LRRC1: variants seen among roughly 807,000 people sequenced by gnomAD.
LRRC1 encodes the protein leucine rich repeat containing 1.
A neutral mutation model predicts 69.9 loss-of-function variants in LRRC1; 28 were observed. The observed-to-expected ratio is 0.40, with a 90% CI of 0.30 to 0.55. The LOEUF (loss-of-function observed/expected upper bound fraction) is 0.55, where lower values mean the gene tolerates loss of function less well. LRRC1 is among the 20% of genes least tolerant of loss of function. The pLI, the probability that LRRC1 is intolerant of heterozygous loss-of-function variation, is 0.47. For synonymous variants in LRRC1, 236 were observed against 240.2 expected (o/e 0.98, Z 0.16); for missense variants, 498 against 609.0 (o/e 0.82, Z 1.92).
intron 10 of LRRC1, among the ~76,000 whole-genome samples, chr6:53,907,934 C>T (rs1428117492): frequency 1.3e-5 from 2 of 152,142 alleles, no homozygotes; most frequent in African/African-American, 2.4e-5. Flanking sequence ...AAATCTGTCT[C>T]TAATGGAAAG....
chr6:53,890,170 A>C (rs1369284276), intron 4 of LRRC1, among the ~76,000 whole-genome samples: 3 of 152,210 alleles, frequency 2.0e-5, no homozygotes, highest in African/African-American at 7.2e-5. Context: ...ACCGTTAAAG[A>C]AACGAATACC....
chr6:53,890,281 G>C (rs1767632501), intron 4 of LRRC1, among the ~76,000 whole-genome samples: 1 of 152,172 alleles, frequency 6.6e-6, no homozygotes, highest in Non-Finnish European at 1.5e-5. Context: ...TAATGAAATA[G>C]TCCAGTACCC....
Position 53,899,891 on chromosome 6 carries a change from G to T in LRRC1, c.787G>T (p.Gly263Ter). The T allele has an allele frequency of 6.2e-7, 1 of 1,613,592 alleles. No individual in the cohort carries two copies. Among genetic ancestry groups the T allele is most frequent in the Non-Finnish European group, 8.5e-7 (1 of 1,179,772 alleles). Residue 263 changes from glycine to a stop codon, truncating the protein, a stop_gained and splice_region_variant, in exon 8 of 14, where the codon GGA becomes TGA. Coordinates refer to ENST00000370888, the MANE Select transcript of LRRC1 (RefSeq NM_018214.5). LOFTEE classifies it high-confidence loss of function. Reference sequence around the variant, plus strand: ...ATTAGAAACGATTCCGGATGGCATTGGTAAGCATTGGAAATCACTAACTGC... The same window carrying T: ...ATTAGAAACGATTCCGGATGGCATTTGTAAGCATTGGAAATCACTAACTGC... ...NLLETIPDGI[G>*]KLKKLSILKV...
rs540699066 is a variant in LRRC1 at position 53,825,263 on chromosome 6, T to C, written c.160-16847T>C. The stretch of plus-strand genomic sequence containing the variant: ...TATTGACTATGTAATGATGGAGGTG[T>C]GCACTTTGGATGTTTTTGTAGGTCT... On this transcript the variant is annotated intron_variant, in intron 1 of 13. Coordinates refer to ENST00000370888, the MANE Select transcript of LRRC1 (RefSeq NM_018214.5). 4.6e-5 allele frequency among the ~76,000 whole-genome samples: 7 copies of C among 152,320 alleles called. No individual in the cohort carries two copies. The East Asian group carries it at 1.3e-3, about 29-fold the overall frequency.
intron 2 of LRRC1, among the ~76,000 whole-genome samples, chr6:53,847,984 A>C (rs1428731148): frequency 6.6e-6 from 1 of 152,186 alleles, no homozygotes; most frequent in African/African-American, 2.4e-5. Flanking sequence ...TGCCACAATT[A>C]AGCCATTGTT....
chr6:53,851,504 G>A (rs1766135986), intron 2 of LRRC1, among the ~76,000 whole-genome samples: 1 of 152,072 alleles, frequency 6.6e-6, no homozygotes, highest in South Asian at 2.1e-4. Flanking sequence ...TTCCATTCAG[G>A]TCCTGAGCAG....
chr6:53,841,477 G>T (rs1232654253), intron 1 of LRRC1, among the ~76,000 whole-genome samples: 1 of 151,768 alleles, frequency 6.6e-6, no homozygotes, highest in Non-Finnish European at 1.5e-5. Flanking sequence ...TGTCTTCATG[G>T]GCTTATTTCA....
chr6:53,855,003 G>A (rs1766265541), intron 2 of LRRC1, among the ~76,000 whole-genome samples: 1 of 151,746 alleles, frequency 6.6e-6, no homozygotes, highest in African/African-American at 2.4e-5. Context: ...CAAGACAGGG[G>A]GATTTCCAGA....
At chr6:53,917,162 G>A (rs756699262) in intron 11 of LRRC1, among the ~76,000 whole-genome samples, 11 of 152,338 alleles carry the variant, frequency 7.2e-5, no homozygotes, top group Admixed American at 1.3e-4. Flanking sequence ...TTACCCAAGA[G>A]AGACAGAAAA....
intron 2 of LRRC1, among the ~76,000 whole-genome samples, chr6:53,876,783 T>C (rs1398294416): frequency 6.6e-6 from 1 of 152,220 alleles, no homozygotes; most frequent in Non-Finnish European, 1.5e-5. Context: ...TCTGCCCCTG[T>C]GACTTTGCAG....
At chr6:53,883,872 GT>G in intron 4 of LRRC1, 1 of 715,876 alleles carries the variant, frequency 1.4e-6, no homozygotes, top group Non-Finnish European at 2.6e-6. Flanking sequence ...TGACATGTCT[GT>G]TTTGCAAAAG....
intron 4 of LRRC1, among the ~76,000 whole-genome samples, chr6:53,891,991 A>T (rs1482238812): frequency 9.2e-5 from 2 of 21,784 alleles, no homozygotes; most frequent in Admixed American, 1.6e-3. Context: ...GATTCTGTCT[A>T]AAAAAAAAAT....
Position 53,906,289 on chromosome 6 carries a change from G to A in LRRC1, c.990+1827G>A, listed in dbSNP as rs117401171. ...ACACGTGACCACTTATGTAATGCAG[G>A]CTCAGCCCAACCTTTCCATCTGTGT... On this transcript the variant is annotated intron_variant, in intron 10 of 13. Transcript: ENST00000370888. Among the ~76,000 whole-genome samples the A allele has an allele frequency of 2.0e-3, 300 of 152,304 alleles. 4 individuals carry two copies. In the East Asian group the frequency reaches 0.041, roughly 21 times the overall value.
chr6:53,891,998 A>AT (rs1767712546), intron 4 of LRRC1, among the ~76,000 whole-genome samples: 2 of 88,356 alleles, frequency 2.3e-5, no homozygotes, highest in Non-Finnish European at 5.0e-5. Context: ...TCTAAAAAAA[A>AT]AATATATATA....
intron 1 of LRRC1, among the ~76,000 whole-genome samples, chr6:53,806,504 A>G (rs886916972): frequency 2.0e-5 from 3 of 152,132 alleles, no homozygotes; most frequent in Admixed American, 6.5e-5. Context: ...GGTCCTGTCC[A>G]ACACTAGCAT....
chr6:53,905,220 G>A (rs1338303931), intron 10 of LRRC1: 1 of 152,012 alleles, frequency 6.6e-6, no homozygotes, highest in African/African-American at 2.4e-5. Flanking sequence ...TGTAGTCCCA[G>A]CTACTCGGGA....
At position 53,853,065 on chromosome 6, in the gene LRRC1, G is replaced by A. The variant is rs547726853; in HGVS notation, c.277+10838G>A. Among the ~76,000 whole-genome samples, 13 of 152,166 alleles carry A rather than the reference G, an allele frequency of 8.5e-5. 1 individual carries two copies. Among genetic ancestry groups the A allele is most frequent in the South Asian group, 8.3e-4 (4 of 4,810 alleles). On this transcript the variant is annotated intron_variant, in intron 2 of 13. Transcript: ENST00000370888. ...ACATTGTGGAAGGGCAGGGGAGCTCGTATTACCCCCTTCTATTTTCTTTTT... is the reference window on the plus strand; with the variant it reads ...ACATTGTGGAAGGGCAGGGGAGCTCATATTACCCCCTTCTATTTTCTTTTT...
intron 1 of LRRC1, among the ~76,000 whole-genome samples, chr6:53,838,450 C>G (rs1765674316): frequency 6.6e-6 from 1 of 152,216 alleles, no homozygotes; most frequent in African/African-American, 2.4e-5. Context: ...TTATTATTCA[C>G]TGTACATCTA....
chr6:53,836,808 T>C (rs1581863274), intron 1 of LRRC1, among the ~76,000 whole-genome samples: 1 of 152,292 alleles, frequency 6.6e-6, no homozygotes, highest in African/African-American at 2.4e-5. Flanking sequence ...TCTGCTTCCA[T>C]TGAATGCTTT....
Sources: allele counts gnomAD v4.1 joint callset (sites outside exome capture counted in the v4.1 genomes callset), GRCh38; gene constraint gnomAD v4.1.1; transcripts MANE v1.5; gene names NCBI Gene and HGNC (gene_info 2026-07-23, HGNC 2026-07-21).